TEC: variants seen among roughly 807,000 people sequenced by gnomAD.
TEC encodes the protein tec protein tyrosine kinase, also known as tyrosine-protein kinase Tec.
TEC carries 72 observed loss-of-function variants against 93.0 expected under a neutral mutation model. The observed-to-expected ratio is 0.77, with a 90% confidence interval of 0.64 to 0.94. The LOEUF (loss-of-function observed/expected upper bound fraction) is 0.94, where lower values mean the gene tolerates loss of function less well. Ranked by LOEUF, TEC falls within the 40% of genes least tolerant of loss-of-function variation. The pLI is 0.00. For synonymous variants in TEC, 249 were observed against 247.7 expected (o/e 1.01, Z -0.05); for missense variants, 630 against 757.9 (o/e 0.83, Z 1.98).
At chr4:48,163,792 G>A in intron 7 of TEC, 25 bp from the exon 8 acceptor site, 1 of 1,304,564 alleles carries the variant, frequency 7.7e-7, no homozygotes, top group Non-Finnish European at 1.1e-6. Flanking sequence ...AATACTTTAG[G>A]TAAACTTACT....
intron 2 of TEC, among the ~76,000 whole-genome samples, chr4:48,182,300 T>A (rs1378275731): frequency 7.3e-6 from 1 of 136,332 alleles, no homozygotes; most frequent in African/African-American, 2.7e-5. Context: ...AAAAAAAAAA[T>A]TGTGGCCCAA....
chr4:48,158,187 T>C (rs1057111297), intron 8 of TEC, among the ~76,000 whole-genome samples: 1 of 152,120 alleles, frequency 6.6e-6, no homozygotes. Flanking sequence ...AGGCCTTCCC[T>C]GACTAAAGAA....
chr4:48,159,083 GA>G (rs35956463), intron 8 of TEC, among the ~76,000 whole-genome samples: 11,919 of 114,274 alleles, frequency 0.1, 1,232 homozygotes, highest in African/African-American at 0.29. Context: ...CTCCAGGCAA[GA>G]AAAAAAAAAA....
intron 2 of TEC, among the ~76,000 whole-genome samples, chr4:48,197,370 A>G (rs1002891124): frequency 3.3e-5 from 5 of 152,226 alleles, no homozygotes; most frequent in Admixed American, 3.3e-4. Flanking sequence ...ATCTGCCTCA[A>G]ACAGTTCACA....
chr4:48,258,813 G>A (rs553362921), intron 1 of TEC, among the ~76,000 whole-genome samples: 5 of 152,066 alleles, frequency 3.3e-5, no homozygotes, highest in South Asian at 2.1e-4. Context: ...GAACTCTAGC[G>A]AATTTGTCTG....
intron 2 of TEC, among the ~76,000 whole-genome samples, chr4:48,213,368 A>G (rs1220832266): frequency 6.6e-6 from 1 of 152,274 alleles, no homozygotes; most frequent in African/African-American, 2.4e-5. Context: ...TAATATGAAA[A>G]GTAAAAAAGG....
chr4:48,183,577 C>T (rs1055332785), intron 2 of TEC, among the ~76,000 whole-genome samples: 2 of 152,238 alleles, frequency 1.3e-5, no homozygotes, highest in Non-Finnish European at 2.9e-5. Flanking sequence ...TTCTCCTGCT[C>T]TCAGACTTTG....
At chr4:48,182,854 T>C (rs1327626175) in intron 2 of TEC, among the ~76,000 whole-genome samples, 5 of 152,124 alleles carry the variant, frequency 3.3e-5, no homozygotes, top group Admixed American at 2.6e-4. Flanking sequence ...AAAAAATGTA[T>C]ACAAATAACC....
chr4:48,201,528 C>G (rs1006556451), intron 2 of TEC, among the ~76,000 whole-genome samples: 3 of 151,950 alleles, frequency 2.0e-5, no homozygotes, highest in Non-Finnish European at 2.9e-5. Flanking sequence ...CAAGCAGTGG[C>G]CAGAAAGGAT....
chr4:48,255,697 T>C (rs1418699740), intron 1 of TEC, among the ~76,000 whole-genome samples: 5 of 152,194 alleles, frequency 3.3e-5, no homozygotes, highest in Non-Finnish European at 7.3e-5. Flanking sequence ...GGTTCCTCAT[T>C]GTAAAATAGT....
chr4:48,142,909 C>T (rs1394313795), intron 14 of TEC, among the ~76,000 whole-genome samples: 1 of 151,990 alleles, frequency 6.6e-6, no homozygotes, highest in African/African-American at 2.4e-5. Context: ...GTCTCGATCT[C>T]TTGACTTCGT....
intron 8 of TEC, 82 bp from the exon 9 acceptor site, chr4:48,156,816 GCTCATC>G: frequency 4.6e-6 from 5 of 1,078,994 alleles, no homozygotes; most frequent in Non-Finnish European, 6.6e-6. Flanking sequence ...AAGTAATTCT[GCTCATC>G]AATAATAAAT....
intron 9 of TEC, among the ~76,000 whole-genome samples, chr4:48,152,435 C>CATAA (rs3062030): frequency 0.053 from 7,921 of 149,678 alleles, 219 homozygotes; most frequent in East Asian, 0.079. Flanking sequence ...GAGATACTAT[C>CATAA]ATAAATAAAT....
chr4:48,248,453 T>G (rs1724116678), intron 1 of TEC, among the ~76,000 whole-genome samples: 1 of 152,202 alleles, frequency 6.6e-6, no homozygotes, highest in South Asian at 2.1e-4. Flanking sequence ...CTGAATGCTT[T>G]ACATTTATTT....
At chr4:48,241,960 G>T (rs1282633314) in intron 1 of TEC, among the ~76,000 whole-genome samples, 1 of 152,224 alleles carries the variant, frequency 6.6e-6, no homozygotes, top group Non-Finnish European at 1.5e-5. Flanking sequence ...AGGCACTAAG[G>T]TGGTTAACAA....
chr4:48,180,238 T>C (rs1721529573), intron 2 of TEC, among the ~76,000 whole-genome samples: 1 of 152,222 alleles, frequency 6.6e-6, no homozygotes, highest in Admixed American at 6.5e-5. Flanking sequence ...TTTCTCCAAA[T>C]ATCTTGTTAT....
chr4:48,230,092 A>ATAC (rs1358193054), intron 1 of TEC, among the ~76,000 whole-genome samples: 4 of 149,186 alleles, frequency 2.7e-5, no homozygotes, highest in African/African-American at 9.9e-5. Context: ...AATAATAATA[A>ATAC]TAATAATAAT....
rs1719920502 is a variant in TEC, at chr4:48,146,538, T to C, written c.1007-139A>G. On this transcript the variant is annotated intron_variant, in intron 11 of 17. Coordinates refer to ENST00000381501, the MANE Select transcript of TEC (RefSeq NM_003215.3). ...TCTGTGTGTACATACAGCACTCTGC[T>C]ATATGCTTTTATTCATTCAACAAAC... 6.1e-6 allele frequency: 4 copies of C among 656,680 alleles called. No individual in the cohort carries two copies. The South Asian group carries it at 8.3e-5, about 14-fold the overall frequency. 40.7% of individuals were successfully genotyped at this position (656,680 alleles called of 1,614,324 possible).
chr4:48,145,682 C>T (rs1023290388), intron 12 of TEC, 103 bp from the exon 13 acceptor site: 6 of 1,207,938 alleles, frequency 5.0e-6, no homozygotes, highest in Admixed American at 2.0e-5. Context: ...CTCAAAATTA[C>T]AGGATAACAC....
Sources: gnomAD v4.1 joint callset for allele counts (sites outside exome capture counted in the v4.1 genomes callset) on GRCh38, gnomAD v4.1.1 for gene constraint, MANE v1.5 for transcripts, NCBI Gene and HGNC (gene_info 2026-07-23, HGNC 2026-07-21) for gene names.